SMIM23: variants seen among roughly 807,000 people sequenced by gnomAD.
SMIM23 encodes small integral membrane protein 23, also known as CTB-78H18.1.
In SMIM23, 10 loss-of-function variants were observed where a neutral mutation model predicts 12.8. The observed-to-expected ratio is 0.78, with a 90% CI of 0.48 to 1.32. The LOEUF is 1.32. SMIM23 is among the 40% of genes most tolerant of loss of function. The pLI, the probability that SMIM23 is intolerant of heterozygous loss-of-function variation, is 0.00. For synonymous variants in SMIM23, 78 were observed against 80.1 expected, an observed-to-expected ratio of 0.97 and a Z score of 0.14; for missense variants, 184 against 198.2, an observed-to-expected ratio of 0.93 and a Z score of 0.43.
Position 171,790,795 on chromosome 5 carries a change from G to C in SMIM23, c.226G>C (p.Gly76Arg), listed in dbSNP as rs1342779486. The C allele has an allele frequency of 2.0e-6, 3 of 1,536,096 alleles. No individual in the cohort carries two copies. The highest frequency in any genetic ancestry group is 3.3e-4 in the Middle Eastern group (2 of 5,990). The stretch of plus-strand genomic sequence containing the variant: ...TGCCACTTCTGTGTCTGCCTTCCAG[G>C]GGCTTGAATATCAGACCAACGAGCC... Reference protein sequence around the residue: ...NYYQNLAVPQGLEYQTNEPSE... With the variant: ...NYYQNLAVPQRLEYQTNEPSE... Residue 76 changes from glycine to arginine, a missense_variant and splice_region_variant, in exon 4 of 4, where the codon GGG (glycine) becomes CGG (arginine). Coordinates refer to ENST00000523047, the MANE Select transcript of SMIM23 (RefSeq NM_001289970.2).
Position 171,791,054 on chromosome 5 carries a change from T to C in SMIM23, c.485T>C (p.Leu162Ser). Reference protein sequence around the residue: ...LGREHKGGEGLLEISLSGAEL With the variant: ...LGREHKGGEGSLEISLSGAEL Reference sequence around the variant, plus strand: ...AGAGAGCACAAAGGTGGGGAGGGGTTGCTAGAGATTTCTCTAAGCGGGGCA... The same window carrying C: ...AGAGAGCACAAAGGTGGGGAGGGGTCGCTAGAGATTTCTCTAAGCGGGGCA... The change falls in exon 4 of 4, where the codon TTG (leucine) becomes TCG (serine). Residue 162 changes from leucine to serine, a missense_variant. Coordinates refer to ENST00000523047, the MANE Select transcript of SMIM23 (RefSeq NM_001289970.2). 1.3e-6 allele frequency: 2 copies of C among 1,522,888 alleles called. No individual in the cohort carries two copies. The highest frequency in any genetic ancestry group is 2.0e-5 in the Admixed American group (1 of 49,494). 94.3% of individuals were successfully genotyped at this position (1,522,888 alleles called of 1,614,324 possible). A position where few individuals can be genotyped will look rare whatever the true frequency, so the allele number is the denominator to read the frequency against.
chr5:171,790,367 G>A (rs11950253), intron 2 of SMIM23, 86 bp downstream of exon 2: 598,197 of 1,506,020 alleles, frequency 0.4, 122,815 homozygotes, highest in East Asian at 0.47. Context: ...ATGTTAAGGG[G>A]ACCTCCATAA....
the SMIM23 span, among the ~76,000 whole-genome samples, chr5:171,775,974 C>T: frequency 1.3e-5 from 2 of 152,166 alleles, no homozygotes; most frequent in Middle Eastern, 3.2e-3. Context: ...CGGGTTCAAG[C>T]GATTCTCCTG....
chr5:171,773,785 C>G, the SMIM23 span: 1 of 456,138 alleles, frequency 2.2e-6, no homozygotes, highest in Non-Finnish European at 4.4e-6. Flanking sequence ...GTGGCCAGAT[C>G]GCTCATTCTT....
the SMIM23 span, among the ~76,000 whole-genome samples, chr5:171,775,176 C>T: frequency 6.6e-6 from 1 of 152,206 alleles, no homozygotes; most frequent in African/African-American, 2.4e-5. Flanking sequence ...GCACCATGTG[C>T]CCGCCGCCCC....
Position 171,790,944 on chromosome 5 carries a change from G to A in SMIM23, c.375G>A (p.Leu125=), listed in dbSNP as rs1581077041. The change falls in exon 4 of 4, where the codon CTG becomes CTA. Residue 125 remains leucine, a synonymous_variant. Transcript: ENST00000523047. The stretch of plus-strand genomic sequence containing the variant: ...TAGCGTGGGACCTGGAACTGTGGCT[G>A]GATGCTCTTCTGGGAGAGCCACACC... ...EQLAWDLELW[L]DALLGEPHQE... The A allele has an allele frequency of 6.5e-7, 1 of 1,536,090 alleles. No homozygotes were observed. Among genetic ancestry groups the A allele is most frequent in the East Asian group, 2.4e-5 (1 of 40,916 alleles).
At chr5:171,790,435 A>G (rs945814437) in intron 2 of SMIM23, 47 bp from the exon 3 acceptor site, 8 of 1,529,990 alleles carry the variant, frequency 5.2e-6, no homozygotes, top group African/African-American at 2.7e-5. Context: ...GTTTATTTCA[A>G]TTAGTGCTCA....
At chr5:171,787,712 A>C (rs1435852896) in intron 1 of SMIM23, among the ~76,000 whole-genome samples, 3 of 152,282 alleles carry the variant, frequency 2.0e-5, no homozygotes, top group Non-Finnish European at 4.4e-5. Context: ...GTACACACAG[A>C]TCAAACTATG....
At chr5:171,788,498 T>C (rs1382104760) in intron 1 of SMIM23, among the ~76,000 whole-genome samples, 2 of 152,132 alleles carry the variant, frequency 1.3e-5, no homozygotes, top group East Asian at 3.8e-4. Context: ...TTTCTTTATA[T>C]ATATTTTTTA....
chr5:171,787,811 CAT>C (rs1415855497), intron 1 of SMIM23, among the ~76,000 whole-genome samples: 2 of 152,200 alleles, frequency 1.3e-5, no homozygotes, highest in Non-Finnish European at 2.9e-5. Flanking sequence ...TTTGTGTCAT[CAT>C]AGCTGAGTTT....
chr5:171,783,291 T>C (rs565331483), upstream of SMIM23, among the ~76,000 whole-genome samples: 1 of 152,320 alleles, frequency 6.6e-6, no homozygotes, highest in African/African-American at 2.4e-5. Flanking sequence ...GCTGGCAAAG[T>C]ATTTTGTTAT....
At chr5:171,774,289 A>G in the SMIM23 span, 1 of 397,862 alleles carries the variant, frequency 2.5e-6, no homozygotes, top group South Asian at 1.9e-5. Context: ...TGCTTGCTCC[A>G]CCTTGACATA....
Position 171,791,073 on chromosome 5 carries a change from C to G in SMIM23, c.504C>G (p.Ser168Arg). The change falls in exon 4 of 4, where the codon AGC becomes AGG. Residue 168 changes from serine to arginine, a missense_variant. Transcript: ENST00000523047. ...GGEGLLEISL[S>R]GAEL ...AGGGGTTGCTAGAGATTTCTCTAAGCGGGGCAGAGCTCTGACTCTTGAAGT... is the reference window on the plus strand; with the variant it reads ...AGGGGTTGCTAGAGATTTCTCTAAGGGGGGCAGAGCTCTGACTCTTGAAGT... The G allele has an allele frequency of 3.3e-6, 5 of 1,501,728 alleles. No homozygotes were observed. Among genetic ancestry groups the G allele is most frequent in the Non-Finnish European group, 4.4e-6 (5 of 1,131,116 alleles). The allele number at this position is 1,501,728 out of a possible 1,614,324, so 93.0% of individuals were successfully genotyped here.
the SMIM23 span, chr5:171,774,600 T>C: frequency 3.6e-5 from 16 of 446,502 alleles, no homozygotes; most frequent in Admixed American, 1.7e-4. Context: ...TACCCTGCCC[T>C]GCCCCACCCC....
At chr5:171,784,123 G>T (rs1325729579), upstream of SMIM23, among the ~76,000 whole-genome samples, 1 of 152,084 alleles carries the variant, frequency 6.6e-6, no homozygotes, top group Non-Finnish European at 1.5e-5. Context: ...AAAAAGAAAA[G>T]ATGTTAAACA....
chr5:171,776,720 C>T, the SMIM23 span, among the ~76,000 whole-genome samples: 20,353 of 152,154 alleles, frequency 0.13, 1,572 homozygotes, highest in African/African-American at 0.2. Flanking sequence ...TCTATTCCTA[C>T]GTTAATTTTC....
chr5:171,779,420 G>C (rs116613277), upstream of SMIM23, among the ~76,000 whole-genome samples: 1,063 of 152,278 alleles, frequency 7.0e-3, 5 homozygotes, highest in Middle Eastern at 0.024. Context: ...ATAAATACAA[G>C]TCTTTATTCT....
At chr5:171,781,351 C>G (rs146893650), upstream of SMIM23, among the ~76,000 whole-genome samples, 1 of 152,296 alleles carries the variant, frequency 6.6e-6, no homozygotes, top group African/African-American at 2.4e-5. Context: ...AAGACAGCCC[C>G]GGCTAAGGGG....
At chr5:171,784,968 C>T (rs148688314), upstream of SMIM23, among the ~76,000 whole-genome samples, 132 of 152,132 alleles carry the variant, frequency 8.7e-4, 1 homozygote, top group African/African-American at 2.9e-3. Flanking sequence ...ATTTATGTAG[C>T]ATTTGGAATA....
Sources: allele counts gnomAD v4.1 joint callset (sites outside exome capture counted in the v4.1 genomes callset), GRCh38; gene constraint gnomAD v4.1.1; transcripts MANE v1.5; gene names NCBI Gene and HGNC (gene_info 2026-07-23, HGNC 2026-07-21).